RBFOX1: variants seen among roughly 807,000 people sequenced by gnomAD.
The protein encoded by RBFOX1 is RNA binding protein fox-1 homolog 1.
Under a neutral mutation model 57.7 loss-of-function variants are expected in RBFOX1, and 8 were observed. That is an observed-to-expected ratio of 0.14 (90% confidence interval 0.08 to 0.25). The LOEUF (loss-of-function observed/expected upper bound fraction) is 0.25. Ranked by LOEUF, RBFOX1 falls within the 10% of genes least tolerant of loss-of-function variation. RBFOX1 has a pLI of 1.00. For synonymous variants in RBFOX1, 326 were observed against 222.4 expected, an observed-to-expected ratio of 1.47 and a Z score of -4.15; for missense variants, 611 against 548.5, an observed-to-expected ratio of 1.11 and a Z score of -1.14.
chr16:7,666,569 AGGAAGGAGAG>A (rs1365051121), intron 13 of RBFOX1, among the ~76,000 whole-genome samples: 3 of 152,142 alleles, frequency 2.0e-5, no homozygotes, highest in African/African-American at 7.2e-5. Flanking sequence ...CTTGAGTAGC[AGGAAGGAGAG>A]GCTGCCTGAA....
intron 1 of RBFOX1, among the ~76,000 whole-genome samples, chr16:6,227,913 A>T (rs191526439): frequency 6.6e-6 from 1 of 152,330 alleles, no homozygotes; most frequent in East Asian, 1.9e-4. Context: ...GAACTACCAT[A>T]TGATTCAGCA....
chr16:7,355,682 A>G (rs1453043490), intron 4 of RBFOX1, among the ~76,000 whole-genome samples: 2 of 152,184 alleles, frequency 1.3e-5, no homozygotes, highest in African/African-American at 4.8e-5. Context: ...ATAAACAGTA[A>G]TACCATGATT....
At chr16:6,639,989 C>T (rs549227893) in intron 2 of RBFOX1, among the ~76,000 whole-genome samples, 1 of 152,170 alleles carries the variant, frequency 6.6e-6, no homozygotes, top group East Asian at 1.9e-4. Flanking sequence ...AGTACTAACA[C>T]TAACACCCAT....
intron 4 of RBFOX1, among the ~76,000 whole-genome samples, chr16:7,221,406 G>C (rs552957287): frequency 6.7e-6 from 1 of 148,954 alleles, no homozygotes; most frequent in African/African-American, 2.5e-5. Flanking sequence ...TTGCTCTGTC[G>C]TCCAGGATAG....
At chr16:7,231,969 G>C (rs1243937180) in intron 4 of RBFOX1, among the ~76,000 whole-genome samples, 2 of 152,066 alleles carry the variant, frequency 1.3e-5, no homozygotes, top group Non-Finnish European at 2.9e-5. Context: ...ACGTATTTTG[G>C]AACTAGATAG....
In RBFOX1 at chr16:7,597,269, GTTTTC is replaced by G. The variant is rs1348693886; in HGVS notation, c.562-97_562-93del. 5.1e-6 allele frequency: 4 copies of G among 787,748 alleles called. No homozygotes were observed. In the East Asian group the frequency reaches 1.2e-4, roughly 23 times the overall value. The allele number at this position is 787,748 out of a possible 1,614,324, so 48.8% of individuals were successfully genotyped here. A position where few individuals can be genotyped will look rare whatever the true frequency, so the allele number is the denominator to read the frequency against. On this transcript the variant is annotated intron_variant, in intron 8 of 15. Coordinates refer to ENST00000550418, the MANE Select transcript of RBFOX1 (RefSeq NM_018723.4). ...AAATTAAAATGCATTTTACTTTTTAGTTTTCTTTTTTAATAAGTAATCACGGTCAT... is the reference window on the plus strand; with the variant it reads ...AAATTAAAATGCATTTTACTTTTTAGTTTTTTAATAAGTAATCACGGTCAT...
At chr16:6,909,948 C>G (rs1162162271) in intron 3 of RBFOX1, among the ~76,000 whole-genome samples, 1 of 151,932 alleles carries the variant, frequency 6.6e-6, no homozygotes, top group Non-Finnish European at 1.5e-5. Context: ...ACTTCATGAG[C>G]CATTTCTGAT....
chr16:5,974,506 A>C (rs1230245590), intron 4 of RBFOX1, among the ~76,000 whole-genome samples: 1 of 152,102 alleles, frequency 6.6e-6, no homozygotes, highest in Non-Finnish European at 1.5e-5. Flanking sequence ...GCTACTCGGG[A>C]GGCTGAGGCA....
chr16:6,758,988 T>C (rs1426422641), intron 3 of RBFOX1, among the ~76,000 whole-genome samples: 1 of 152,090 alleles, frequency 6.6e-6, no homozygotes, highest in African/African-American at 2.4e-5. Flanking sequence ...TGAACTTAAA[T>C]CTATTCAGAC....
chr16:6,844,410 T>G (rs1213415254), intron 3 of RBFOX1, among the ~76,000 whole-genome samples: 2 of 152,176 alleles, frequency 1.3e-5, no homozygotes, highest in Non-Finnish European at 2.9e-5. Flanking sequence ...TGTGTTCTCA[T>G]CATTCACCTA....
chr16:6,919,176 T>C (rs1193141512), intron 3 of RBFOX1, among the ~76,000 whole-genome samples: 1 of 151,904 alleles, frequency 6.6e-6, no homozygotes, highest in Non-Finnish European at 1.5e-5. Context: ...GGAGATGGGG[T>C]TTCACCATGT....
intron 2 of RBFOX1, among the ~76,000 whole-genome samples, chr16:5,530,996 G>A (rs561051481): frequency 6.8e-6 from 1 of 146,666 alleles, no homozygotes; most frequent in Non-Finnish European, 1.5e-5. Flanking sequence ...TTGGTGGCAG[G>A]CACCTGTAGT....
In RBFOX1 at chr16:6,654,668, A is replaced by C. The variant is rs1207027877; in HGVS notation, c.-16+18A>C. ...ACAGAAAGGTGAGTCAATATTTTTC[A>C]TTTTTAGGGTTGCAAACAAAACAAG... On this transcript the variant is annotated intron_variant, in intron 3 of 15. Transcript: ENST00000550418. The C allele has an allele frequency of 4.7e-6, 7 of 1,500,838 alleles. No individual in the cohort carries two copies. In the South Asian group the frequency reaches 7.7e-5, roughly 17 times the overall value. 93.0% of individuals were successfully genotyped at this position (1,500,838 alleles called of 1,614,324 possible).
At chr16:6,804,011 A>AT (rs796697448) in intron 3 of RBFOX1, among the ~76,000 whole-genome samples, 5,896 of 146,962 alleles carry the variant, frequency 0.04, 374 homozygotes, top group African/African-American at 0.14. Flanking sequence ...AACTCATACA[A>AT]TTTTTTTTTT....
intron 4 of RBFOX1, among the ~76,000 whole-genome samples, chr16:7,360,807 T>C (rs186106021): frequency 5.9e-5 from 9 of 152,314 alleles, no homozygotes; most frequent in Admixed American, 3.3e-4. Flanking sequence ...CTTCACACAG[T>C]GCCATTAATT....
rs573870471 is a variant in RBFOX1, at chr16:7,227,264, G to C, written c.27+175166G>C. Among the ~76,000 whole-genome samples, 14 of 147,320 alleles carry C rather than the reference G, an allele frequency of 9.5e-5. No homozygotes were observed. In the South Asian group the frequency reaches 3.1e-3, roughly 33 times the overall value. On this transcript the variant is annotated intron_variant, in intron 4 of 15. Coordinates refer to ENST00000550418, the MANE Select transcript of RBFOX1 (RefSeq NM_018723.4). ...CTGTATATCTCTCTCTGTTCTCACT[G>C]TCACATACCACACACACCCCACCCC...
chr16:5,654,727 C>T (rs1008042446), intron 3 of RBFOX1, among the ~76,000 whole-genome samples: 1 of 152,110 alleles, frequency 6.6e-6, no homozygotes, highest in Non-Finnish European at 1.5e-5. Context: ...GTGATGTGCT[C>T]CTCCTCCTGC....
chr16:5,870,945 A>G (rs183068053), intron 4 of RBFOX1, among the ~76,000 whole-genome samples: 92 of 152,310 alleles, frequency 6.0e-4, no homozygotes, highest in Non-Finnish European at 1.2e-3. Flanking sequence ...ATATTGGTTA[A>G]AAGGAGACAA....
chr16:6,640,674 G>A (rs2098480228), intron 2 of RBFOX1, among the ~76,000 whole-genome samples: 1 of 152,048 alleles, frequency 6.6e-6, no homozygotes, highest in Admixed American at 6.6e-5. Context: ...TAGGTACATT[G>A]GGGTATATCA....
Sources: gnomAD v4.1 joint callset for allele counts (sites outside exome capture counted in the v4.1 genomes callset) on GRCh38, gnomAD v4.1.1 for gene constraint, MANE v1.5 for transcripts, NCBI Gene and HGNC (gene_info 2026-07-23, HGNC 2026-07-21) for gene names.